The following CDK10 variants were observed in gnomAD, a reference collection of about 807,000 sequenced individuals.
CDK10 encodes cyclin dependent kinase 10.
CDK10 carries 55 observed loss-of-function variants against 51.0 expected under a neutral mutation model. The observed-to-expected ratio is 1.08, with a 90% CI of 0.87 to 1.35. The LOEUF is 1.35. Ranked by LOEUF, CDK10 falls within the 40% of genes most tolerant of loss-of-function variation. The probability of loss-of-function intolerance (pLI) is 0.00; values close to 1 mark genes in which losing one functional copy is unlikely to be tolerated. For missense variants in CDK10, 589 were observed against 485.1 expected, an observed-to-expected ratio of 1.21 and a Z score of -2.01; for synonymous variants, 255 against 199.1, an observed-to-expected ratio of 1.28 and a Z score of -2.36.
intron 3 of CDK10, among the ~76,000 whole-genome samples, chr16:89,691,083 C>G (rs977123292): frequency 6.6e-6 from 1 of 152,180 alleles, no homozygotes; most frequent in Non-Finnish European, 1.5e-5. Context: ...GTCGGCAGTT[C>G]AAGACCAGCC....
rs1191853373 is a variant in CDK10 at position 89,692,884 on chromosome 16, TC to T, written c.485+371del. Among the ~76,000 whole-genome samples, 34 of 120,296 alleles carry T rather than the reference TC, an allele frequency of 2.8e-4. No individual in the cohort carries two copies. In the East Asian group the frequency reaches 9.1e-3, roughly 32 times the overall value. 78.9% of individuals were successfully genotyped at this position (120,296 alleles called of 152,430 possible). A position where few individuals can be genotyped will look rare whatever the true frequency, so the allele number is the denominator to read the frequency against. ...CGGGCACAGTGGCTCACGCCTGTGA[TC>T]CCAGCACTTTGGGAGGCCGAGGCAG... On this transcript the variant is annotated intron_variant, in intron 6 of 12. Coordinates refer to ENST00000353379, the MANE Select transcript of CDK10 (RefSeq NM_052988.5).
Position 89,692,480 on chromosome 16 carries a change from GCCTC to G in CDK10, c.451_454del (p.Leu151SerfsTer13). On this transcript the variant is annotated frameshift_variant, in exon 6 of 13. Transcript: ENST00000353379. LOFTEE classifies it high-confidence loss of function. ...TGCATCGTGCTGCAGGTGCTCCGGG[GCCTC>G]CAGTATCTGCACAGGAACTTCATTA... 6.3e-7 allele frequency: 1 copy of G among 1,597,354 alleles called. No individual in the cohort carries two copies. Among genetic ancestry groups the G allele is most frequent in the Non-Finnish European group, 8.5e-7 (1 of 1,171,770 alleles).
Position 89,686,775 on chromosome 16 carries a change from T to C in CDK10, c.65T>C (p.Phe22Ser). 3 of 1,612,124 alleles carry C rather than the reference T, an allele frequency of 1.9e-6. No individual in the cohort carries two copies. Among genetic ancestry groups the C allele is most frequent in the Non-Finnish European group, 2.5e-6 (3 of 1,179,026 alleles). Residue 22 changes from phenylalanine (F) to serine (S), a missense_variant, in exon 1 of 13, where the codon TTC becomes TCC. By Grantham distance (155) the Phe-to-Ser change is radical. Transcript: ENST00000353379. Reference protein sequence around the residue: ...RLKCIRKEGFFTVPPEHRLGR... With the variant: ...RLKCIRKEGFSTVPPEHRLGR... ...AAGTGTATTCGTAAGGAGGGCTTCT[T>C]CACGGTGCCTCCGGAACACAGGGTG...
In CDK10 at chr16:89,695,948, A is replaced by G. The variant is rs976559858; in HGVS notation, c.*256A>G. On this transcript the variant is annotated 3_prime_UTR_variant, in exon 13 of 13. Transcript: ENST00000353379. ...GTCTGGCGGCTCCATCCGTGGCTGC[A>G]GGGGTCTCATGTGGTCCTCCTCGCT... 1.2e-5 allele frequency: 8 copies of G among 685,436 alleles called. No homozygotes were observed. Among genetic ancestry groups the G allele is most frequent in the African/African-American group, 1.8e-5 (1 of 56,242 alleles). 42.5% of individuals were successfully genotyped at this position (685,436 alleles called of 1,614,324 possible). A position where few individuals can be genotyped will look rare whatever the true frequency, so the allele number is the denominator to read the frequency against.
chr16:89,686,986 C>G, intron 1 of CDK10, 189 bp downstream of exon 1: 1 of 525,618 alleles, frequency 1.9e-6, no homozygotes, highest in Non-Finnish European at 3.3e-6. Context: ...ACAGCCGGTC[C>G]CTGGAGATCT....
At position 89,695,879 on chromosome 16, in the gene CDK10, G is replaced by A. The variant is rs1228521807; in HGVS notation, c.*187G>A. On this transcript the variant is annotated 3_prime_UTR_variant, in exon 13 of 13. Coordinates refer to ENST00000353379, the MANE Select transcript of CDK10 (RefSeq NM_052988.5). The stretch of plus-strand genomic sequence containing the variant: ...CACTGCTGCCCCCAGAAAAAGGCCG[G>A]GTGACACCGGGGGGCTCCCAGCCCG... The A allele has an allele frequency of 7.3e-7, 1 of 1,361,428 alleles. No individual in the cohort carries two copies. Among genetic ancestry groups the A allele is most frequent in the African/African-American group, 1.4e-5 (1 of 69,656 alleles). The allele number at this position is 1,361,428 out of a possible 1,614,324, so 84.3% of individuals were successfully genotyped here.
intron 2 of CDK10, 163 bp downstream of exon 2, chr16:89,689,487 T>C (rs2060347386): frequency 3.1e-6 from 2 of 636,324 alleles, no homozygotes; most frequent in Non-Finnish European, 5.7e-6. Context: ...GATGTAGTTA[T>C]CACAAACATT....
intron 6 of CDK10, among the ~76,000 whole-genome samples, chr16:89,692,860 G>A (rs556387534): frequency 5.4e-5 from 8 of 148,438 alleles, no homozygotes; most frequent in African/African-American, 1.5e-4. Context: ...ATACTACGCC[G>A]GGCACAGTGG....
chr16:89,690,647 G>A (rs761730409), intron 3 of CDK10, 23 bp downstream of exon 3: 2 of 1,597,132 alleles, frequency 1.3e-6, no homozygotes, highest in Non-Finnish European at 1.7e-6. Context: ...TTGGGGTGTT[G>A]GGACCTCGCA....
At chr16:89,695,191 C>A in intron 11 of CDK10, 102 bp from the exon 12 acceptor site, 1 of 1,535,828 alleles carries the variant, frequency 6.5e-7, no homozygotes, top group Admixed American at 1.8e-5. Context: ...TCGGAGTGGC[C>A]ACCTGGCTTC....
chr16:89,691,406 C>G (rs375735637), intron 3 of CDK10, 37 bp from the exon 4 acceptor site: 2 of 1,516,752 alleles, frequency 1.3e-6, no homozygotes, highest in South Asian at 1.2e-5. Flanking sequence ...CCCGCCATCA[C>G]TGGGGTGGGG....
intron 5 of CDK10, chr16:89,692,203 A>G: frequency 2.0e-6 from 1 of 510,324 alleles, no homozygotes; most frequent in South Asian, 2.5e-5. Flanking sequence ...CTGGGCGGAG[A>G]GCCTTCTGAG....
intron 2 of CDK10, 67 bp downstream of exon 2, chr16:89,689,391 G>C: frequency 1.4e-6 from 2 of 1,427,694 alleles, no homozygotes; most frequent in Non-Finnish European, 2.0e-6. Context: ...CGAGACTGTC[G>C]AAGCAGCAGC....
chr16:89,695,653 A>G lies in CDK10; in HGVS notation c.1044A>G (p.Pro348=). Residue 348 remains proline (P), a synonymous_variant, in exon 13 of 13, where the codon CCA becomes CCG. Transcript: ENST00000353379. ...ACCACCGCAACAAGCGGGCCGCCCC[A>G]GCCACCTCCGAGGGCCAGAGCAAGC... The part of the protein sequence containing the change: ...FPHHRNKRAA[P]ATSEGQSKRC... The G allele has an allele frequency of 6.2e-7, 1 of 1,604,340 alleles. No individual in the cohort carries two copies. The highest frequency in any genetic ancestry group is 1.3e-5 in the African/African-American group (1 of 74,836).
At chr16:89,694,035 C>T (rs919326882) in intron 8 of CDK10, 138 bp from the exon 9 acceptor site, 2 of 795,988 alleles carry the variant, frequency 2.5e-6, no homozygotes, top group Non-Finnish European at 4.3e-6. Flanking sequence ...CCTGGATCTG[C>T]AGGGCCTGGG....
intron 3 of CDK10, 65 bp from the exon 4 acceptor site, chr16:89,691,378 G>A: frequency 8.1e-7 from 1 of 1,227,026 alleles, no homozygotes; most frequent in South Asian, 1.4e-5. Context: ...GCCCAAGAGT[G>A]GCTGGGGTTG....
intron 2 of CDK10, chr16:89,690,284 T>C (rs934406585): frequency 9.9e-6 from 5 of 506,068 alleles, no homozygotes; most frequent in African/African-American, 5.7e-5. Flanking sequence ...ATGGAGAGCC[T>C]GGAGCCACAG....
At chr16:89,693,904 C>T in intron 8 of CDK10, 1 of 587,992 alleles carries the variant, frequency 1.7e-6, no homozygotes, top group Non-Finnish European at 3.0e-6. Context: ...TACTCCCCAT[C>T]TGAGAACGGG....
intron 6 of CDK10, 62 bp downstream of exon 6, chr16:89,692,578 C>A: frequency 7.8e-7 from 1 of 1,274,888 alleles, no homozygotes. Context: ...TCTGCTGCCC[C>A]TGTGGAGTTA....
Sources: gnomAD v4.1 joint callset for allele counts (sites outside exome capture counted in the v4.1 genomes callset) on GRCh38, gnomAD v4.1.1 for gene constraint, MANE v1.5 for transcripts, NCBI Gene and HGNC (gene_info 2026-07-23, HGNC 2026-07-21) for gene names.